The following MAP6 variants were observed in gnomAD, a reference collection of about 807,000 sequenced individuals.
MAP6 encodes microtubule associated protein 6.
MAP6 carries 26 observed loss-of-function variants against 42.4 expected under a neutral mutation model. The ratio of observed to expected loss-of-function variants is 0.61; its 90% CI spans 0.45 to 0.85. The LOEUF is 0.85. MAP6 is among the 40% of genes least tolerant of loss of function. The pLI is 0.00. For missense variants in MAP6, 966 were observed against 1,099.0 expected, an observed-to-expected ratio of 0.88 and a Z score of 1.71; for synonymous variants, 418 against 443.8, an observed-to-expected ratio of 0.94 and a Z score of 0.73.
At chr11:75,641,738 G>A (rs1479022163) in intron 1 of MAP6, among the ~76,000 whole-genome samples, 2 of 152,218 alleles carry the variant, frequency 1.3e-5, no homozygotes, top group Admixed American at 1.3e-4. Context: ...AAGCTTCCAG[G>A]TGAAGCTAAT....
intron 1 of MAP6, among the ~76,000 whole-genome samples, chr11:75,629,340 G>T (rs940968390): frequency 3.3e-5 from 5 of 151,896 alleles, no homozygotes; most frequent in African/African-American, 1.2e-4. Context: ...CTCCTAACTC[G>T]GCCTCCCAAA....
chr11:75,632,846 T>C (rs1397886533), intron 1 of MAP6, among the ~76,000 whole-genome samples: 1 of 152,174 alleles, frequency 6.6e-6, no homozygotes, highest in Non-Finnish European at 1.5e-5. Flanking sequence ...TAATTCAATA[T>C]GTTAATTTTT....
chr11:75,602,605 G>A (rs547637957), intron 3 of MAP6, among the ~76,000 whole-genome samples: 67 of 152,256 alleles, frequency 4.4e-4, no homozygotes, highest in South Asian at 4.2e-4. Context: ...CGCTCTTCCC[G>A]GCAACATTGG....
intron 1 of MAP6, among the ~76,000 whole-genome samples, chr11:75,651,689 T>C (rs1943648862): frequency 6.6e-6 from 1 of 152,172 alleles, no homozygotes; most frequent in Non-Finnish European, 1.5e-5. Flanking sequence ...ACAAAGAGAC[T>C]CTTACATGTA....
Position 75,605,867 on chromosome 11 carries a change from G to A in MAP6, c.1257C>T (p.Thr419=), listed in dbSNP as rs772467528. 44 of 1,614,046 alleles carry A rather than the reference G, an allele frequency of 2.7e-5. No homozygotes were observed. Among genetic ancestry groups the A allele is most frequent in the Non-Finnish European group, 3.6e-5 (43 of 1,180,050 alleles). Residue 419 remains threonine (T), a synonymous_variant, in exon 3 of 4, where the codon ACC becomes ACT. Coordinates refer to ENST00000304771, the MANE Select transcript of MAP6 (RefSeq NM_033063.2). ...KKKSAEGPST[T]KPDDKEQSKE... The stretch of plus-strand genomic sequence containing the variant: ...TGCTTTGCTCCTTGTCGTCTGGCTT[G>A]GTGGTACTCGGGCCCTCCGCGCTCT...
chr11:75,624,715 A>G (rs1038111944), intron 1 of MAP6, among the ~76,000 whole-genome samples: 1 of 152,250 alleles, frequency 6.6e-6, no homozygotes, highest in African/African-American at 2.4e-5. Flanking sequence ...ACAAGTCAGC[A>G]TAATGCATAG....
intron 3 of MAP6, chr11:75,604,887 C>T: frequency 1.0e-6 from 1 of 985,470 alleles, no homozygotes; most frequent in East Asian, 1.1e-4. Flanking sequence ...TAAACATCGC[C>T]ACACTTGCCA....
At chr11:75,617,183 T>C (rs1371824436) in intron 1 of MAP6, among the ~76,000 whole-genome samples, 4 of 152,024 alleles carry the variant, frequency 2.6e-5, no homozygotes, top group African/African-American at 9.7e-5. Context: ...ACAGGCACAA[T>C]GTGTATAAAA....
At chr11:75,622,271 G>T (rs990459366) in intron 1 of MAP6, among the ~76,000 whole-genome samples, 1 of 152,018 alleles carries the variant, frequency 6.6e-6, no homozygotes, top group African/African-American at 2.4e-5. Flanking sequence ...AAGAGACAAG[G>T]TCTCACTCTG....
At chr11:75,661,207 C>CA (rs1943838508) in intron 1 of MAP6, among the ~76,000 whole-genome samples, 1 of 151,766 alleles carries the variant, frequency 6.6e-6, no homozygotes, top group Non-Finnish European at 1.5e-5. Context: ...ATCAAATTGA[C>CA]AGTTTAAAAA....
At chr11:75,595,934 G>T (rs677283) in intron 3 of MAP6, among the ~76,000 whole-genome samples, 67,670 of 151,738 alleles carry the variant, frequency 0.45, 15,668 homozygotes, top group Middle Eastern at 0.6. Context: ...TATGTGCCAG[G>T]CCATAGGGAT....
At chr11:75,593,932 C>T (rs1942528152) in intron 3 of MAP6, among the ~76,000 whole-genome samples, 1 of 152,174 alleles carries the variant, frequency 6.6e-6, no homozygotes, top group Admixed American at 6.5e-5. Flanking sequence ...CACACATCTC[C>T]AGGCCTCAGT....
chr11:75,606,871 C>T (rs990774492), intron 2 of MAP6, among the ~76,000 whole-genome samples: 9 of 152,228 alleles, frequency 5.9e-5, no homozygotes, highest in African/African-American at 2.2e-4. Context: ...TCTCAGGAAA[C>T]TTCGGAGTCA....
At chr11:75,632,884 A>G (rs1270222746) in intron 1 of MAP6, among the ~76,000 whole-genome samples, 1 of 152,242 alleles carries the variant, frequency 6.6e-6, no homozygotes, top group East Asian at 1.9e-4. Flanking sequence ...AGATGGAGAG[A>G]GAGGAAATAA....
chr11:75,668,011 AC>A lies in MAP6; in HGVS notation c.358del (p.Val120Ter). ...SGSTSGPADSVMRQDYRAWKV... is the reference protein window; with the variant it reads ...SGSTSGPADSXMRQDYRAWKV... ...CCAGGCTCGGTAATCCTGCCGCATC[AC>A]CGAGTCCGCGGGGCCGGAGGTGGAG... On this transcript the variant is annotated frameshift_variant, in exon 1 of 4. Coordinates refer to ENST00000304771, the MANE Select transcript of MAP6 (RefSeq NM_033063.2). LOFTEE classifies it high-confidence loss of function. 1 of 1,236,644 alleles carries A rather than the reference AC, an allele frequency of 8.1e-7. No individual in the cohort carries two copies. The highest frequency in any genetic ancestry group is 1.0e-6 in the Non-Finnish European group (1 of 989,440). The allele number at this position is 1,236,644 out of a possible 1,614,324, so 76.6% of individuals were successfully genotyped here. A position where few individuals can be genotyped will look rare whatever the true frequency, so the allele number is the denominator to read the frequency against.
chr11:75,661,051 AAAT>A (rs1943835702), intron 1 of MAP6, among the ~76,000 whole-genome samples: 1 of 152,130 alleles, frequency 6.6e-6, no homozygotes, highest in Non-Finnish European at 1.5e-5. Flanking sequence ...GATTATTTTT[AAAT>A]CCACAAGATA....
At chr11:75,630,653 T>C (rs139899206) in intron 1 of MAP6, among the ~76,000 whole-genome samples, 1 of 152,346 alleles carries the variant, frequency 6.6e-6, no homozygotes, top group Non-Finnish European at 1.5e-5. Context: ...TTCCTTCAAA[T>C]TTCTCTGGGT....
intron 3 of MAP6, chr11:75,603,250 C>T (rs984346553): frequency 3.7e-5 from 36 of 985,544 alleles, no homozygotes; most frequent in South Asian, 1.4e-4. Context: ...CAGGGAAGGA[C>T]GGAGAACCAC....
chr11:75,641,142 C>T (rs1848091681), intron 1 of MAP6, among the ~76,000 whole-genome samples: 1 of 152,026 alleles, frequency 6.6e-6, no homozygotes, highest in Non-Finnish European at 1.5e-5. Flanking sequence ...CACCATGGAA[C>T]ACTATGCAGC....
Sources: allele counts gnomAD v4.1 joint callset (sites outside exome capture counted in the v4.1 genomes callset), GRCh38; gene constraint gnomAD v4.1.1; transcripts MANE v1.5; gene names NCBI Gene and HGNC (gene_info 2026-07-23, HGNC 2026-07-21).